Variants in CSMD1 observed in about 807,000 individuals in gnomAD.
CSMD1 encodes CUB and sushi domain-containing protein 1.
Under a neutral mutation model 417.5 loss-of-function variants are expected in CSMD1, and 213 were observed. That is an observed-to-expected ratio of 0.51 (90% confidence interval 0.46 to 0.57). The LOEUF (loss-of-function observed/expected upper bound fraction) is 0.57. Among genes scored for constraint, CSMD1 ranks in the 20% least tolerant of loss-of-function variants. CSMD1 has a pLI of 0.00. For synonymous variants in CSMD1, 2,862 were observed against 1,736.8 expected, an observed-to-expected ratio of 1.65 and a Z score of -16.11; for missense variants, 6,923 against 4,529.7, an observed-to-expected ratio of 1.53 and a Z score of -15.17.
At chr8:4,243,380 T>C (rs182657298) in intron 3 of CSMD1, among the ~76,000 whole-genome samples, 14 of 152,270 alleles carry the variant, frequency 9.2e-5, no homozygotes, top group East Asian at 7.7e-4. Flanking sequence ...AAAAAACAGC[T>C]TGACTTGGAG....
intron 4 of CSMD1, among the ~76,000 whole-genome samples, chr8:4,019,505 G>C (rs966650338): frequency 7.2e-5 from 11 of 152,162 alleles, no homozygotes; most frequent in African/African-American, 2.4e-4. Context: ...TTGCATGAAT[G>C]TGAAGTTTGG....
intron 7 of CSMD1, among the ~76,000 whole-genome samples, chr8:3,687,784 C>T (rs1800018839): frequency 6.6e-6 from 1 of 152,146 alleles, no homozygotes; most frequent in Non-Finnish European, 1.5e-5. Flanking sequence ...TGTAAAAACA[C>T]TTGATCTTTG....
chr8:4,328,776 T>C lies in CSMD1; in HGVS notation c.415+91177A>G, dbSNP rs575939355. The stretch of plus-strand genomic sequence containing the variant: ...AGTTACATCGTTTAAGTTAGCAATC[T>C]GACAAAGTATTCTCTTTGAAATAAA... On this transcript the variant is annotated intron_variant, in intron 3 of 69. Coordinates refer to ENST00000635120, the MANE Select transcript of CSMD1 (RefSeq NM_033225.6). Among the ~76,000 whole-genome samples the C allele has an allele frequency of 2.8e-4, 43 of 152,332 alleles. No homozygotes were observed. In the South Asian group the frequency reaches 8.7e-3, roughly 31 times the overall value.
intron 10 of CSMD1, among the ~76,000 whole-genome samples, chr8:3,511,774 TAACATAACATAAC>T (rs1797080460): frequency 1.9e-5 from 2 of 104,386 alleles, no homozygotes; most frequent in Non-Finnish European, 4.1e-5. Context: ...TAACATAACA[TAACATAACATAAC>T]ATAACATAAC....
At chr8:4,458,768 A>C (rs906889397) in intron 2 of CSMD1, among the ~76,000 whole-genome samples, 1 of 152,182 alleles carries the variant, frequency 6.6e-6, no homozygotes, top group African/African-American at 2.4e-5. Flanking sequence ...TTATGCATTG[A>C]ATAAGATAAC....
chr8:3,590,048 C>T (rs1800780590), intron 8 of CSMD1, among the ~76,000 whole-genome samples: 1 of 151,658 alleles, frequency 6.6e-6, no homozygotes, highest in African/African-American at 2.4e-5. Context: ...TGAAAGAATG[C>T]AACATCGCTT....
intron 10 of CSMD1, among the ~76,000 whole-genome samples, chr8:3,497,039 A>G (rs558671358): frequency 2.5e-4 from 38 of 152,228 alleles, no homozygotes; most frequent in African/African-American, 8.9e-4. Flanking sequence ...AAATTTGTTG[A>G]CCCTTGTTTT....
At chr8:4,734,421 A>G (rs1345827339) in intron 1 of CSMD1, among the ~76,000 whole-genome samples, 1 of 151,296 alleles carries the variant, frequency 6.6e-6, no homozygotes, top group Non-Finnish European at 1.5e-5. Flanking sequence ...GAGTCCCTGA[A>G]AAAAAAAGGT....
intron 5 of CSMD1, among the ~76,000 whole-genome samples, chr8:3,818,594 T>A (rs934901156): frequency 3.3e-5 from 5 of 151,774 alleles, no homozygotes; most frequent in South Asian, 2.1e-4. Flanking sequence ...GAATGAGAAG[T>A]GCTAGAAAAG....
intron 3 of CSMD1, among the ~76,000 whole-genome samples, chr8:4,412,146 C>A (rs981199944): frequency 4.6e-5 from 7 of 152,020 alleles, no homozygotes; most frequent in African/African-American, 1.5e-4. Flanking sequence ...AGCTAAATAT[C>A]TCAATGTGCC....
rs931788168 is a variant in CSMD1 at position 4,308,955 on chromosome 8, C to T, written c.415+110998G>A. Among the ~76,000 whole-genome samples the T allele has an allele frequency of 3.5e-4, 53 of 152,106 alleles. 1 individual carries two copies. The highest frequency in any genetic ancestry group is 1.0e-4 in the Non-Finnish European group (7 of 68,010). ...CCTTTTTTAAAGACTCTCAAATACT[C>T]CCTGTAACCTTCTGACATAATGTTG... On this transcript the variant is annotated intron_variant, in intron 3 of 69. Transcript: ENST00000635120.
At chr8:4,004,421 T>A (rs1253512378) in intron 4 of CSMD1, among the ~76,000 whole-genome samples, 4 of 97,704 alleles carry the variant, frequency 4.1e-5, no homozygotes, top group Non-Finnish European at 7.8e-5. Flanking sequence ...GCCATGAATC[T>A]TTTTTTTTTT....
chr8:3,448,391 GA>G (rs1815461064), intron 12 of CSMD1, among the ~76,000 whole-genome samples: 3 of 129,600 alleles, frequency 2.3e-5, no homozygotes, highest in South Asian at 2.7e-4. Flanking sequence ...GAGGAGGGAG[GA>G]GGAAGGGAAG....
In CSMD1 at chr8:3,188,878, A is replaced by C; in HGVS notation, c.5523+9T>G. On this transcript the variant is annotated intron_variant, in intron 35 of 69. Transcript: ENST00000635120. ...GCCCTGTTGTAGACTGTGGACTTCA[A>C]GGACTCACCTGAATTCCCGAGCCCT... 1 of 1,553,796 alleles carries C rather than the reference A, an allele frequency of 6.4e-7. No individual in the cohort carries two copies.
chr8:4,375,831 AAAACAGACTTCACAGTCATCT>A lies in CSMD1; in HGVS notation c.415+44101_415+44121del, dbSNP rs548862285. 2.9e-4 allele frequency among the ~76,000 whole-genome samples: 44 copies of A among 152,310 alleles called. No individual in the cohort carries two copies. The East Asian group carries it at 8.5e-3, about 29-fold the overall frequency. On this transcript the variant is annotated intron_variant, in intron 3 of 69. Transcript: ENST00000635120. ...TTTAAGAGTTCAATGTTTTTAAGCC[AAAACAGACTTCACAGTCATCT>A]AAATAAAAGATGTACACAACTCCCA...
intron 5 of CSMD1, among the ~76,000 whole-genome samples, chr8:3,984,552 TA>T (rs1213845040): frequency 6.6e-6 from 1 of 151,314 alleles, no homozygotes; most frequent in Non-Finnish European, 1.5e-5. Context: ...CTAGGTATAT[TA>T]AAAAATATAT....
At chr8:2,956,486 C>T (rs1803018953) in intron 63 of CSMD1, among the ~76,000 whole-genome samples, 1 of 151,786 alleles carries the variant, frequency 6.6e-6, no homozygotes, top group Non-Finnish European at 1.5e-5. Context: ...TTGAGTCTCG[C>T]TGTGTTGCCC....
chr8:4,524,706 A>C (rs1439761359), intron 2 of CSMD1, among the ~76,000 whole-genome samples: 2 of 152,204 alleles, frequency 1.3e-5, no homozygotes, highest in East Asian at 3.9e-4. Flanking sequence ...AGTTTTTAAA[A>C]CCAAATCTGA....
intron 5 of CSMD1, among the ~76,000 whole-genome samples, chr8:3,865,574 G>T (rs1463370009): frequency 6.6e-6 from 1 of 152,126 alleles, no homozygotes; most frequent in African/African-American, 2.4e-5. Context: ...GGAAGCCGCA[G>T]GAGAATTCAG....
Sources: allele counts gnomAD v4.1 joint callset (sites outside exome capture counted in the v4.1 genomes callset), GRCh38; gene constraint gnomAD v4.1.1; transcripts MANE v1.5; gene names NCBI Gene and HGNC (gene_info 2026-07-23, HGNC 2026-07-21).